Variants in TTC34 observed in about 807,000 individuals in gnomAD.
TTC34 encodes tetratricopeptide repeat protein 34.
A neutral mutation model predicts 40.7 loss-of-function variants in TTC34; 44 were observed. That is an observed-to-expected ratio of 1.08 (90% CI 0.85 to 1.39). The LOEUF is 1.39. TTC34 is among the 40% of genes most tolerant of loss of function. TTC34 has a pLI of 0.00. For synonymous variants in TTC34, 422 were observed against 398.6 expected (o/e 1.06, Z -0.70); for missense variants, 884 against 838.0 (o/e 1.05, Z -0.68).
chr1:2,652,158 C>CCCACA (rs139444669), intron 6 of TTC34, among the ~76,000 whole-genome samples: 3 of 44,090 alleles, frequency 6.8e-5, no homozygotes, highest in East Asian at 5.8e-4. Flanking sequence ...TGGAACACAA[C>CCCACA]CCACACCCCC....
rs752407298 is a variant in TTC34, at chr1:2,644,263, C to G, written c.2712+1G>C. The G allele has an allele frequency of 1.2e-4, 189 of 1,531,664 alleles. No homozygotes were observed. Among genetic ancestry groups the G allele is most frequent in the Admixed American group, 1.8e-4 (9 of 50,904 alleles). The allele number at this position is 1,531,664 out of a possible 1,614,324, so 94.9% of individuals were successfully genotyped here. The stretch of plus-strand genomic sequence containing the variant: ...GGAGATCTGTGGGGTTCTTTGGGCA[C>G]CTGGGCAAGGCTCTGCCGCTCCGAG... On this transcript the variant is annotated splice_donor_variant, in intron 8 of 8. Transcript: ENST00000401095. LOFTEE classifies it high-confidence loss of function.
At chr1:2,680,216 AGT>A (rs2100308269) in intron 6 of TTC34, among the ~76,000 whole-genome samples, 1 of 15,642 alleles carries the variant, frequency 6.4e-5, no homozygotes, top group African/African-American at 2.2e-4. Flanking sequence ...GAGCAGCACC[AGT>A]ACCCCCAGGC....
intron 6 of TTC34, among the ~76,000 whole-genome samples, chr1:2,752,879 G>C (rs1291065131): frequency 1.8e-4 from 27 of 148,008 alleles, no homozygotes; most frequent in African/African-American, 6.2e-4. Context: ...CTGATGGCCT[G>C]GAACGGCACC....
chr1:2,783,740 G>T, exon 6 of TTC34: 2 of 1,540,050 alleles, frequency 1.3e-6, no homozygotes, highest in South Asian at 1.2e-5. Context: ...CCATAGCAGC[G>T]GGCTCGGGCA....
chr1:2,768,471 A>C (rs1166460993), intron 6 of TTC34, among the ~76,000 whole-genome samples: 1 of 149,984 alleles, frequency 6.7e-6, no homozygotes, highest in East Asian at 2.0e-4. Context: ...TCAAATAAGA[A>C]TTTGATAAGT....
At chr1:2,648,051 A>G (rs533848102) in intron 6 of TTC34, among the ~76,000 whole-genome samples, 1 of 150,410 alleles carries the variant, frequency 6.6e-6, no homozygotes, top group African/African-American at 2.5e-5. Flanking sequence ...CATCAAGCTC[A>G]CTCATTCTAG....
At chr1:2,683,747 C>G (rs1640190035) in intron 6 of TTC34, among the ~76,000 whole-genome samples, 1 of 148,172 alleles carries the variant, frequency 6.7e-6, no homozygotes, top group African/African-American at 2.5e-5. Context: ...TGGAACAGCA[C>G]CCACACCCCC....
At chr1:2,757,065 A>ACC (rs1641531388) in intron 6 of TTC34, among the ~76,000 whole-genome samples, 2 of 118,888 alleles carry the variant, frequency 1.7e-5, no homozygotes, top group South Asian at 5.7e-4. Flanking sequence ...CAGGACCCAC[A>ACC]CCCCCAGGCG....
intron 6 of TTC34, chr1:2,775,629 C>G (rs1355564040): frequency 6.7e-6 from 1 of 149,012 alleles, no homozygotes; most frequent in Non-Finnish European, 1.5e-5. Context: ...CAGCACATCC[C>G]CTCAGGTGAG....
chr1:2,783,585 C>T (rs921235776), intron 6 of TTC34, 24 bp downstream of exon 6: 5 of 1,360,172 alleles, frequency 3.7e-6, no homozygotes, highest in African/African-American at 1.5e-5. Flanking sequence ...CTTGCCCAGG[C>T]CCAGGTCAGG....
At chr1:2,649,254 G>A (rs1041762463) in intron 6 of TTC34, among the ~76,000 whole-genome samples, 5 of 152,060 alleles carry the variant, frequency 3.3e-5, no homozygotes, top group African/African-American at 9.7e-5. Context: ...ACAACCCCAG[G>A]TGAGCATCTG....
chr1:2,683,785 C>A (rs1254124502), intron 6 of TTC34, among the ~76,000 whole-genome samples: 2 of 150,266 alleles, frequency 1.3e-5, no homozygotes, highest in East Asian at 4.0e-4. Context: ...GCTGGAGCAG[C>A]ACGCACACCC....
In TTC34 at chr1:2,750,848, C is replaced by T. The variant is rs1298631130; in HGVS notation, c.2226+32761G>A. Among the ~76,000 whole-genome samples, 24 of 101,290 alleles carry T rather than the reference C, an allele frequency of 2.4e-4. 2 individuals carry two copies. The highest frequency in any genetic ancestry group is 4.5e-4 in the Non-Finnish European group (23 of 51,470). 66.5% of individuals were successfully genotyped at this position (101,290 alleles called of 152,430 possible). On this transcript the variant is annotated intron_variant, in intron 6 of 8. Transcript: ENST00000401095. ...GACAGCCTGGAGCAGTACCCACACA[C>T]CCAGGTGAGCATCTGACAGCGTGGA...
chr1:2,641,629 C>G, exon 9 of TTC34: 1 of 1,534,980 alleles, frequency 6.5e-7, no homozygotes, highest in Non-Finnish European at 8.7e-7. Flanking sequence ...CGGCCGCCGC[C>G]TCATCCCCCA....
In TTC34 at chr1:2,681,599, T is replaced by A; in HGVS notation, c.2227-36036A>T. 3.5e-5 allele frequency among the ~76,000 whole-genome samples: 2 copies of A among 57,914 alleles called. 1 individual carries two copies. Among genetic ancestry groups the A allele is most frequent in the Admixed American group, 3.6e-4 (2 of 5,568 alleles). 38.0% of individuals were successfully genotyped at this position (57,914 alleles called of 152,430 possible). ...CAGCATCCACACCCACAGGTGAGCA[T>A]CAGACAGCCTGGAACCGCAGCCACA... On this transcript the variant is annotated intron_variant, in intron 6 of 8. Coordinates refer to ENST00000401095, the Ensembl canonical transcript of TTC34.
Position 2,641,895 on chromosome 1 carries a change from C to T in TTC34, c.2713G>A (p.Ala905Thr), listed in dbSNP as rs550126719. 2.6e-5 allele frequency: 38 copies of T among 1,478,166 alleles called. No individual in the cohort carries two copies. Among genetic ancestry groups the T allele is most frequent in the Admixed American group, 9.0e-5 (4 of 44,486 alleles). 91.6% of individuals were successfully genotyped at this position (1,478,166 alleles called of 1,614,324 possible). The stretch of plus-strand genomic sequence containing the variant: ...AGGGTGCCGGCTTCCTGGGCCGCCG[C>T]CTGCACAGAGGACACAGAGAGAGGC... The change falls in exon 9 of 9, where the codon GCG becomes ACG. Residue 905 changes from alanine to threonine, a missense_variant and splice_region_variant. Transcript: ENST00000401095.
chr1:2,660,738 G>A (rs1351390564), intron 6 of TTC34, among the ~76,000 whole-genome samples: 2 of 90,856 alleles, frequency 2.2e-5, no homozygotes, highest in African/African-American at 8.7e-5. Flanking sequence ...ACATCGTGGA[G>A]CAGCACCCCA....
chr1:2,683,821 A>G (rs1157965676), intron 6 of TTC34, among the ~76,000 whole-genome samples: 39 of 139,158 alleles, frequency 2.8e-4, no homozygotes, highest in African/African-American at 9.9e-4. Flanking sequence ...ACAGCCGGGA[A>G]CAGCACCCAC....
At chr1:2,700,376 C>T (rs1641076165) in intron 6 of TTC34, among the ~76,000 whole-genome samples, 2 of 115,944 alleles carry the variant, frequency 1.7e-5, no homozygotes, top group Non-Finnish European at 4.1e-5. Context: ...CCCACAACCC[C>T]AGGTGAGTAT....
Sources: gnomAD v4.1 joint callset for allele counts (sites outside exome capture counted in the v4.1 genomes callset) on GRCh38, gnomAD v4.1.1 for gene constraint, MANE v1.5 for transcripts, NCBI Gene and HGNC (gene_info 2026-07-23, HGNC 2026-07-21) for gene names.